Variants in LGI1 observed in about 807,000 individuals in gnomAD.
LGI1 encodes leucine-rich glioma-inactivated protein 1.
LGI1 carries 11 observed loss-of-function variants against 57.7 expected under a neutral mutation model. The ratio of observed to expected loss-of-function variants is 0.19; its 90% CI spans 0.12 to 0.32. The LOEUF is 0.32. Ranked by LOEUF, LGI1 falls within the 10% of genes least tolerant of loss-of-function variation. The pLI, the probability that LGI1 is intolerant of heterozygous loss-of-function variation, is 1.00. For synonymous variants in LGI1, 222 were observed against 241.9 expected, an observed-to-expected ratio of 0.92 and a Z score of 0.76; for missense variants, 422 against 661.9, an observed-to-expected ratio of 0.64 and a Z score of 3.98.
chr10:93,772,047 A>G (rs1486907347), intron 2 of LGI1: 1 of 152,162 alleles, frequency 6.6e-6, no homozygotes, highest in Non-Finnish European at 1.5e-5. Flanking sequence ...GTTAAATACA[A>G]ATTTAAACTT....
At chr10:93,769,170 G>A (rs966868673) in intron 2 of LGI1, 1 of 152,192 alleles carries the variant, frequency 6.6e-6, no homozygotes, top group Non-Finnish European at 1.5e-5. Flanking sequence ...ATAAAGGAGA[G>A]TGTTAGTAAA....
At position 93,758,651 on chromosome 10, in the gene LGI1, A is replaced by T; in HGVS notation, c.216-109A>T. The T allele has an allele frequency of 1.2e-6, 1 of 804,030 alleles. No homozygotes were observed. Among genetic ancestry groups the T allele is most frequent in the Non-Finnish European group, 2.1e-6 (1 of 473,652 alleles). 49.8% of individuals were successfully genotyped at this position (804,030 alleles called of 1,614,324 possible). Reference sequence around the variant, plus strand: ...GTATCGTACTTCATAAAATAGTGTCAAAATAGTCACTGTTATGCTAAACCG... The same window carrying T: ...GTATCGTACTTCATAAAATAGTGTCTAAATAGTCACTGTTATGCTAAACCG... On this transcript the variant is annotated intron_variant, in intron 1 of 7. Transcript: ENST00000371418. This position sits in a 1 kb window ranked among gnomAD's most constrained non-coding sequence, Gnocchi z 4.7.
At chr10:93,780,834 C>T (rs1234000394) in intron 4 of LGI1, among the ~76,000 whole-genome samples, 1 of 152,146 alleles carries the variant, frequency 6.6e-6, no homozygotes, top group African/African-American at 2.4e-5. Context: ...AAGAAAAGAT[C>T]CTGAAAACAG....
intron 5 of LGI1, chr10:93,791,945 C>T (rs10736084): frequency 0.56 from 84,979 of 152,108 alleles, 28,422 homozygotes; most frequent in East Asian, 0.89. Flanking sequence ...AAATACATTA[C>T]AATAATCACT....
intron 2 of LGI1, among the ~76,000 whole-genome samples, chr10:93,761,335 T>C (rs2059620810): frequency 6.6e-6 from 1 of 152,196 alleles, no homozygotes; most frequent in African/African-American, 2.4e-5. Context: ...TTTGTGATTG[T>C]GAATTGCCAC....
At position 93,790,146 on chromosome 10, in the gene LGI1, A is replaced by G. The variant is rs2059923964; in HGVS notation, c.479A>G (p.Lys160Arg). 9.3e-6 allele frequency: 15 copies of G among 1,609,488 alleles called. No individual in the cohort carries two copies. The highest frequency in any genetic ancestry group is 1.3e-5 in the Non-Finnish European group (15 of 1,179,608). Residue 160 changes from lysine (K) to arginine (R), a missense_variant, in exon 5 of 8, where the codon AAA (lysine) becomes AGA (arginine). By Grantham distance (26) the Lys-to-Arg change is conservative. Transcript: ENST00000371418. ...NLQTLPKDIF[K>R]GLDSLTNVDL... ...CAGACACTCCCAAAAGATATTTTCAAAGGCCTGGATTCTTTAACAAATGTG... is the reference window on the plus strand; with the variant it reads ...CAGACACTCCCAAAAGATATTTTCAGAGGCCTGGATTCTTTAACAAATGTG...
intron 5 of LGI1, chr10:93,790,737 C>A (rs1052524366): frequency 1.3e-5 from 2 of 152,262 alleles, no homozygotes; most frequent in Non-Finnish European, 2.9e-5. Flanking sequence ...GACCCTTTTT[C>A]AAACAAAAGA....
At chr10:93,790,460 C>T in intron 5 of LGI1, 1 of 359,298 alleles carries the variant, frequency 2.8e-6, no homozygotes, top group Non-Finnish European at 5.0e-6. Context: ...TGGGAAGAGA[C>T]CCGGCTAGAA....
chr10:93,793,514 G>A (rs544843166), intron 7 of LGI1, among the ~76,000 whole-genome samples, 164 bp downstream of exon 7: 215 of 152,274 alleles, frequency 1.4e-3, no homozygotes, highest in African/African-American at 4.8e-3. Context: ...TTCCCCACTT[G>A]TAAAACGGGA....
chr10:93,790,379 G>GC, intron 5 of LGI1: 1 of 560,404 alleles, frequency 1.8e-6, no homozygotes, highest in Non-Finnish European at 3.1e-6. Context: ...TGAATACATG[G>GC]CACCCAGGCA....
chr10:93,797,272 T>C lies in LGI1; in HGVS notation c.1143T>C (p.Asp381=). The change falls in exon 8 of 8, where the codon GAT becomes GAC. Residue 381 remains aspartate, a synonymous_variant. Transcript: ENST00000371418. The surrounding 1 kb of genome is among the most constrained non-coding windows in gnomAD (Gnocchi z 6.5). The part of the protein sequence containing the change: ...QSLHAWYRDT[D]VEYLEIVRTP... ...TACACGCGTGGTACAGGGACACTGA[T>C]GTGGAATATCTAGAAATAGTCAGAA... 6.2e-7 allele frequency: 1 copy of C among 1,614,162 alleles called. No individual in the cohort carries two copies. Among genetic ancestry groups the C allele is most frequent in the Non-Finnish European group, 8.5e-7 (1 of 1,180,036 alleles).
At chr10:93,771,322 T>G (rs1211403284) in intron 2 of LGI1, 1 of 152,198 alleles carries the variant, frequency 6.6e-6, no homozygotes. Flanking sequence ...CAATATTTCC[T>G]TGATCTCAAG....
chr10:93,783,680 C>T lies in LGI1; in HGVS notation c.431+6063C>T, dbSNP rs192322674. The stretch of plus-strand genomic sequence containing the variant: ...TTGCCTAGATATGTACGCGTCCTCT[C>T]GTCTACTCCAGCCTGCCTCATTCAT... On this transcript the variant is annotated intron_variant, in intron 4 of 7. Transcript: ENST00000371418. Among the ~76,000 whole-genome samples, 74 of 152,278 alleles carry T rather than the reference C, an allele frequency of 4.9e-4. 1 individual carries two copies. Among genetic ancestry groups the T allele is most frequent in the African/African-American group, 1.7e-3 (70 of 41,562 alleles).
Position 93,788,916 on chromosome 10 carries a change from G to T in LGI1, c.432-1183G>T, listed in dbSNP as rs1218410041. On this transcript the variant is annotated intron_variant, in intron 4 of 7. Coordinates refer to ENST00000371418, the MANE Select transcript of LGI1 (RefSeq NM_005097.4). ...TTTAGTTTAGTTTTTTATTTTTATT[G>T]TGGAAAAAAAAAACACCTCTAAGAA... The T allele has an allele frequency of 4.6e-4, 10 of 21,600 alleles. No individual in the cohort carries two copies. In the Admixed American group the frequency reaches 7.2e-3, roughly 16 times the overall value. The allele number at this position is 21,600 out of a possible 1,614,324, so 1.3% of individuals were successfully genotyped here. A position where few individuals can be genotyped will look rare whatever the true frequency, so the allele number is the denominator to read the frequency against.
intron 2 of LGI1, chr10:93,772,070 A>T (rs947764578): frequency 6.6e-6 from 1 of 152,214 alleles, no homozygotes; most frequent in Non-Finnish European, 1.5e-5. Flanking sequence ...ATATGTTAAA[A>T]ATCATTAATG....
chr10:93,793,428 T>C (rs1181426637), intron 7 of LGI1, 78 bp downstream of exon 7: 2 of 1,228,496 alleles, frequency 1.6e-6, no homozygotes, highest in South Asian at 1.2e-5. Context: ...ATGAGTGGTA[T>C]AGGGGAATGC....
At chr10:93,796,899 C>T in intron 7 of LGI1, 69 bp from the exon 8 acceptor site, 1 of 1,273,814 alleles carries the variant, frequency 7.9e-7, no homozygotes, top group South Asian at 1.2e-5. Context: ...TGTATGGCCC[C>T]AGCCCGCATG....
In LGI1 at chr10:93,793,427, A is replaced by G. The variant is rs2059953045; in HGVS notation, c.838+77A>G. The G allele has an allele frequency of 5.7e-6, 7 of 1,231,822 alleles. No individual in the cohort carries two copies. In the East Asian group the frequency reaches 1.4e-4, roughly 25 times the overall value. The allele number at this position is 1,231,822 out of a possible 1,614,324, so 76.3% of individuals were successfully genotyped here. A position where few individuals can be genotyped will look rare whatever the true frequency, so the allele number is the denominator to read the frequency against. On this transcript the variant is annotated intron_variant, in intron 7 of 7. Coordinates refer to ENST00000371418, the MANE Select transcript of LGI1 (RefSeq NM_005097.4). ...AGGGCAACAAGGAAAGATGAGTGGT[A>G]TAGGGGAATGCTTTAGCATTTGAAT...
chr10:93,784,817 C>T (rs1025280417), intron 4 of LGI1, among the ~76,000 whole-genome samples: 3 of 152,150 alleles, frequency 2.0e-5, no homozygotes, highest in South Asian at 2.1e-4. Context: ...TCTCTCAAGT[C>T]GTGACACTCT....
Sources: gnomAD v4.1 joint callset for allele counts (sites outside exome capture counted in the v4.1 genomes callset) on GRCh38, gnomAD v4.1.1 for gene constraint, Gnocchi (gnomAD v3.1) non-coding constraint, MANE v1.5 for transcripts, NCBI Gene and HGNC (gene_info 2026-07-23, HGNC 2026-07-21) for gene names.